Variants in BANK1 observed in about 807,000 individuals in gnomAD.
BANK1 encodes B cell scaffold protein with ankyrin repeats 1.
In BANK1, 95 loss-of-function variants were observed where a neutral mutation model predicts 94.5. That is an observed-to-expected ratio of 1.00 (90% confidence interval 0.85 to 1.19). The LOEUF (loss-of-function observed/expected upper bound fraction) is 1.19. Among genes scored for constraint, BANK1 ranks in the 50% most tolerant of loss-of-function variants. The pLI, the probability that BANK1 is intolerant of heterozygous loss-of-function variation, is 0.00. For synonymous variants in BANK1, 334 were observed against 308.4 expected, an observed-to-expected ratio of 1.08 and a Z score of -0.87; for missense variants, 987 against 932.2, an observed-to-expected ratio of 1.06 and a Z score of -0.77.
intron 11 of BANK1, among the ~76,000 whole-genome samples, chr4:102,045,600 G>T (rs1202668441): frequency 6.6e-6 from 1 of 151,978 alleles, no homozygotes; most frequent in Non-Finnish European, 1.5e-5. Context: ...AAAGTCTCAG[G>T]ATACAAAATC....
At chr4:101,845,855 T>A (rs993847997) in intron 2 of BANK1, among the ~76,000 whole-genome samples, 1 of 152,012 alleles carries the variant, frequency 6.6e-6, no homozygotes, top group African/African-American at 2.4e-5. Flanking sequence ...GGCCATAGGG[T>A]TTTTGTTTTT....
chr4:101,895,277 G>T, intron 5 of BANK1, 28 bp from the exon 6 acceptor site: 1 of 1,368,660 alleles, frequency 7.3e-7, no homozygotes, highest in South Asian at 1.3e-5. Flanking sequence ...TTAACCTAGT[G>T]AAAATTTTCT....
At chr4:101,993,221 G>C (rs962437602) in intron 7 of BANK1, among the ~76,000 whole-genome samples, 1 of 152,160 alleles carries the variant, frequency 6.6e-6, no homozygotes, top group African/African-American at 2.4e-5. Context: ...AGTTTTGAAA[G>C]AAATGGGAAG....
chr4:102,065,498 C>T (rs1728561075), intron 13 of BANK1, among the ~76,000 whole-genome samples: 1 of 152,038 alleles, frequency 6.6e-6, no homozygotes, highest in African/African-American at 2.4e-5. Flanking sequence ...ATATACAACA[C>T]ATTATCTATA....
intron 7 of BANK1, among the ~76,000 whole-genome samples, chr4:101,963,183 T>C (rs1376070180): frequency 6.6e-6 from 1 of 152,100 alleles, no homozygotes; most frequent in African/African-American, 2.4e-5. Flanking sequence ...CTTAGGCATA[T>C]CCCCTCCTAT....
In BANK1 at chr4:101,888,146, TAAG is replaced by T. The variant is rs1728922984; in HGVS notation, c.904-7151_904-7149del. ...CTTAAACAAGCACAGCAATTTGTTA[TAAG>T]AAGAAGAGCAAGGCTGTTTTCAGCT... On this transcript the variant is annotated intron_variant, in intron 5 of 16. Transcript: ENST00000322953. 5.9e-5 allele frequency among the ~76,000 whole-genome samples: 9 copies of T among 152,332 alleles called. No homozygotes were observed. In the South Asian group the frequency reaches 1.7e-3, roughly 28 times the overall value.
intron 10 of BANK1, among the ~76,000 whole-genome samples, chr4:102,034,645 G>A (rs918143680): frequency 2.0e-5 from 3 of 152,146 alleles, no homozygotes; most frequent in African/African-American, 4.8e-5. Flanking sequence ...GAACAAGTTG[G>A]CTTAGTCATC....
intron 1 of BANK1, among the ~76,000 whole-genome samples, chr4:101,827,836 A>C (rs916585352): frequency 6.6e-6 from 1 of 151,892 alleles, no homozygotes; most frequent in Non-Finnish European, 1.5e-5. Context: ...TAGTTTTTTC[A>C]AAGTTTCTTT....
chr4:101,877,531 G>A (rs566516520), intron 5 of BANK1, among the ~76,000 whole-genome samples: 1 of 152,212 alleles, frequency 6.6e-6, no homozygotes, highest in East Asian at 1.9e-4. Context: ...TTTAAAAGCA[G>A]GGGATGAACT....
At chr4:101,942,933 T>C (rs1017167686) in intron 7 of BANK1, among the ~76,000 whole-genome samples, 1 of 151,918 alleles carries the variant, frequency 6.6e-6, no homozygotes. Context: ...TAATCTGGTA[T>C]GATTGTAAGA....
chr4:102,018,590 AT>A (rs1302420911), intron 7 of BANK1, among the ~76,000 whole-genome samples: 1 of 152,242 alleles, frequency 6.6e-6, no homozygotes, highest in Non-Finnish European at 1.5e-5. Flanking sequence ...ATAATGAATG[AT>A]TTTAATTTAT....
At chr4:102,046,113 G>A (rs562844394) in intron 11 of BANK1, among the ~76,000 whole-genome samples, 1 of 151,412 alleles carries the variant, frequency 6.6e-6, no homozygotes, top group Admixed American at 6.6e-5. Flanking sequence ...CAATGGAACA[G>A]AACAGAGCCC....
intron 6 of BANK1, among the ~76,000 whole-genome samples, chr4:101,903,443 A>G (rs1397235400): frequency 6.6e-6 from 1 of 152,220 alleles, no homozygotes; most frequent in Non-Finnish European, 1.5e-5. Context: ...ATAAGGAGTT[A>G]GAGTCTGTGA....
chr4:101,844,912 TA>T (rs34997365), intron 2 of BANK1, among the ~76,000 whole-genome samples: 12,305 of 152,168 alleles, frequency 0.081, 819 homozygotes, highest in African/African-American at 0.18. Context: ...GGTCCTTTTT[TA>T]ATTTAACATA....
At chr4:101,796,447 G>GA (rs1331974010) in intron 1 of BANK1, among the ~76,000 whole-genome samples, 2 of 152,164 alleles carry the variant, frequency 1.3e-5, no homozygotes, top group Admixed American at 6.5e-5. Context: ...ATCTTCCATT[G>GA]AAAATTAAAC....
At chr4:101,848,066 C>A (rs182930635) in intron 2 of BANK1, among the ~76,000 whole-genome samples, 39 of 152,312 alleles carry the variant, frequency 2.6e-4, no homozygotes, top group African/African-American at 8.9e-4. Flanking sequence ...GTGTTTTGCT[C>A]TGCTCTCCAA....
At chr4:102,017,129 T>C (rs1344142884) in intron 7 of BANK1, among the ~76,000 whole-genome samples, 2 of 152,214 alleles carry the variant, frequency 1.3e-5, no homozygotes, top group African/African-American at 4.8e-5. Flanking sequence ...ATAAACAAGT[T>C]GTTATCTACA....
intron 1 of BANK1, among the ~76,000 whole-genome samples, chr4:101,814,630 A>G (rs1320786302): frequency 6.6e-6 from 1 of 152,204 alleles, no homozygotes; most frequent in Non-Finnish European, 1.5e-5. Flanking sequence ...ATGGTTTGAT[A>G]CTTGAAGTAG....
intron 7 of BANK1, among the ~76,000 whole-genome samples, chr4:101,994,434 C>G (rs547580798): frequency 6.6e-6 from 1 of 152,132 alleles, no homozygotes; most frequent in Non-Finnish European, 1.5e-5. Flanking sequence ...GTCTGCCCTA[C>G]TTTGAGAGAG....
Sources: gnomAD v4.1 joint callset for allele counts (sites outside exome capture counted in the v4.1 genomes callset) on GRCh38, gnomAD v4.1.1 for gene constraint, MANE v1.5 for transcripts, NCBI Gene and HGNC (gene_info 2026-07-23, HGNC 2026-07-21) for gene names.